Variants in NEB observed in about 807,000 individuals in gnomAD.
NEB encodes nebulin.
In NEB, 512 loss-of-function variants were observed where a neutral mutation model predicts 952.2. The observed-to-expected ratio is 0.54, with a 90% CI of 0.50 to 0.58. NEB has a LOEUF of 0.58. Ranked by LOEUF, NEB falls within the 20% of genes least tolerant of loss-of-function variation. The pLI, the probability that NEB is intolerant of heterozygous loss-of-function variation, is 0.00. For synonymous variants in NEB, 2,900 were observed against 3,149.8 expected (o/e 0.92, Z 2.66); for missense variants, 8,428 against 9,231.1 (o/e 0.91, Z 3.56).
Position 151,655,757 on chromosome 2 carries a change from C to A in NEB, c.6702+60G>T, listed in dbSNP as rs1306063196. The stretch of plus-strand genomic sequence containing the variant: ...TTAATTAGATTTCTCCAAACAAGAA[C>A]CAGAGCCTGCTAGCCTTTCCTCACG... On this transcript the variant is annotated intron_variant, in intron 50 of 181. Coordinates refer to ENST00000397345, the MANE Select transcript of NEB (RefSeq NM_001164508.2). 4 of 1,556,352 alleles carry A rather than the reference C, an allele frequency of 2.6e-6. No individual in the cohort carries two copies. In the East Asian group the frequency reaches 9.0e-5, roughly 35 times the overall value.
At chr2:151,718,915 T>A (rs2099766659) in intron 9 of NEB, among the ~76,000 whole-genome samples, 1 of 152,146 alleles carries the variant, frequency 6.6e-6, no homozygotes, top group African/African-American at 2.4e-5. Context: ...TATTCATAGA[T>A]CCCCAGATAC....
chr2:151,538,222 T>C lies in NEB; in HGVS notation c.20915A>G (p.Gln6972Arg). ...ASDLRYKETF[Q>R]KTKGKYHTVK... ...CGTGTGGTATTTCCCTTTGGTCTTT[T>C]GAAATGTTTCTTTGTAGCGTAGCTA... Residue 6972 changes from glutamine to arginine, a missense_variant, in exon 139 of 182, where the codon CAA becomes CGA. This residue lies in a region of NEB where 3,374 missense variants were observed against 3,651.5 expected (regional missense o/e 0.92). Transcript: ENST00000397345. 6.2e-7 allele frequency: 1 copy of C among 1,612,792 alleles called. No homozygotes were observed. Among genetic ancestry groups the C allele is most frequent in the Non-Finnish European group, 8.5e-7 (1 of 1,178,918 alleles).
At chr2:151,538,075 A>C (rs935900240) in intron 139 of NEB, 65 bp downstream of exon 139, 1 of 1,513,906 alleles carries the variant, frequency 6.6e-7, no homozygotes, top group African/African-American at 1.4e-5. Context: ...GTTGCTAAAA[A>C]ATATATGTAT....
At chr2:151,546,181 G>A (rs2153606237) in intron 134 of NEB, among the ~76,000 whole-genome samples, 164 bp downstream of exon 134, 1 of 152,262 alleles carries the variant, frequency 6.6e-6, no homozygotes, top group East Asian at 1.9e-4. Context: ...TTCATAGGAG[G>A]CACAGATCAC....
intron 165 of NEB, 41 bp downstream of exon 165, chr2:151,505,437 T>C (rs747521866): frequency 3.3e-6 from 5 of 1,514,376 alleles, no homozygotes; most frequent in Non-Finnish European, 4.6e-6. Context: ...AATTGAGAGA[T>C]GGCCAGTCAC....
chr2:151,578,485 C>G (rs1479588667), intron 105 of NEB, among the ~76,000 whole-genome samples: 1 of 150,562 alleles, frequency 6.6e-6, no homozygotes, highest in Non-Finnish European at 1.5e-5. Context: ...CATGATGAAA[C>G]CCTGCCTCTA....
chr2:151,565,658 C>T, intron 115 of NEB, 53 bp from the exon 116 acceptor site: 1 of 1,565,200 alleles, frequency 6.4e-7, no homozygotes, highest in South Asian at 1.1e-5. Flanking sequence ...GGTTATCTAC[C>T]CCAACATGGC....
intron 138 of NEB, 100 bp downstream of exon 138, chr2:151,540,244 G>C: frequency 1.4e-6 from 1 of 724,140 alleles, no homozygotes. Context: ...CTAGGCCATG[G>C]TTTAGAACTA....
chr2:151,714,390 T>C (rs927674433), intron 10 of NEB, among the ~76,000 whole-genome samples: 1 of 152,186 alleles, frequency 6.6e-6, no homozygotes, highest in African/African-American at 2.4e-5. Flanking sequence ...TAGTAATCAT[T>C]TCTTGCTCCT....
chr2:151,692,622 T>C (rs111348513), intron 20 of NEB, among the ~76,000 whole-genome samples: 1 of 152,176 alleles, frequency 6.6e-6, no homozygotes, highest in Non-Finnish European at 1.5e-5. Flanking sequence ...ACCAATGCTG[T>C]CTTTTTTTAA....
At chr2:151,612,730 G>A (rs145394900) in intron 77 of NEB, among the ~76,000 whole-genome samples, 65 of 152,256 alleles carry the variant, frequency 4.3e-4, no homozygotes, top group African/African-American at 1.3e-3. Flanking sequence ...AACTGTACTG[G>A]GTGAGAATAC....
chr2:151,666,494 A>G (rs1028131402), intron 40 of NEB, 93 bp from the exon 41 acceptor site: 17 of 1,251,218 alleles, frequency 1.4e-5, no homozygotes, highest in Non-Finnish European at 1.9e-5. Flanking sequence ...AGCCAACTTC[A>G]GTCTGAATCT....
At chr2:151,639,461 C>A in intron 62 of NEB, 77 bp from the exon 63 acceptor site, 1 of 1,062,300 alleles carries the variant, frequency 9.4e-7, no homozygotes, top group Non-Finnish European at 1.3e-6. Flanking sequence ...GCCACAAAAA[C>A]TTTATAAAAA....
chr2:151,631,461 C>T (rs991249443), intron 65 of NEB, 115 bp from the exon 66 acceptor site: 26 of 1,162,728 alleles, frequency 2.2e-5, no homozygotes, highest in Admixed American at 1.1e-4. Context: ...AGAAAACAAG[C>T]GCGTTGTATA....
chr2:151,666,141 G>A lies in NEB; in HGVS notation c.4980C>T (p.Pro1660=), dbSNP rs142074817. 5.1e-4 allele frequency: 830 copies of A among 1,613,838 alleles called. 3 individuals are homozygous for A. The African/African-American group carries it at 8.9e-3, about 17-fold the overall frequency. ...TGGAGTGCTCCACATTCAAGGCATCGGGCAGGAGAGTGTAGTGGTGGTATG... is the reference window on the plus strand; with the variant it reads ...TGGAGTGCTCCACATTCAAGGCATCAGGCAGGAGAGTGTAGTGGTGGTATG... ...RQSYHHYTLL[P]DALNVEHSRN... is the part of the protein sequence containing the mutation. The change falls in exon 41 of 182, where the codon CCC becomes CCT. Residue 1660 remains proline (P), a synonymous_variant. Transcript: ENST00000397345.
Position 151,619,699 on chromosome 2 carries a change from CG to C in NEB, c.10623del (p.His3541GlnfsTer6). 1 of 1,613,924 alleles carries C rather than the reference CG, an allele frequency of 6.2e-7. No homozygotes were observed. The highest frequency in any genetic ancestry group is 8.5e-7 in the Non-Finnish European group (1 of 1,179,858). On this transcript the variant is annotated frameshift_variant, in exon 73 of 182. Transcript: ENST00000397345. LOFTEE classifies it high-confidence loss of function. ...AGGGACCACATTATCTTGGGGTCATCGTGTACTGCTCGGGCGCCAATGTGGT... is the reference window on the plus strand; with the variant it reads ...AGGGACCACATTATCTTGGGGTCATCTGTACTGCTCGGGCGCCAATGTGGT... ...LGHHIGARAVHDDPKIMWSLH... is the reference protein window; with the variant it reads ...LGHHIGARAVXDDPKIMWSLH...
chr2:151,575,700 T>A lies in NEB; in HGVS notation c.17008A>T (p.Ser5670Cys), dbSNP rs776789678. The A allele has an allele frequency of 6.3e-7, 1 of 1,585,164 alleles. No homozygotes were observed. Among genetic ancestry groups the A allele is most frequent in the Admixed American group, 1.7e-5 (1 of 59,838 alleles). ...NLARANALNV[S>C]NKLYREGWDE... ...GAGTCTGTTGTAGTACTTACATTGC[T>A]CACATTAAGAGCATTTGCTCTAGCG... is the stretch of plus-strand genomic sequence containing the variant. The change falls in exon 107 of 182, where the codon AGC (serine) becomes TGC (cysteine). Residue 5670 changes from serine to cysteine, a missense_variant. Transcript: ENST00000397345.
Position 151,639,923 on chromosome 2 carries a change from T to C in NEB, c.8823A>G (p.Lys2941=), listed in dbSNP as rs367619283. 49 of 1,613,894 alleles carry C rather than the reference T, an allele frequency of 3.0e-5. No individual in the cohort carries two copies. The highest frequency in any genetic ancestry group is 4.0e-5 in the Non-Finnish European group (47 of 1,179,882). ...CCAGAGAGTCAGTCACACTGGTAAATTTGAATCTGTCTGGAGGCTGGCGAT... is the reference window on the plus strand; with the variant it reads ...CCAGAGAGTCAGTCACACTGGTAAACTTGAATCTGTCTGGAGGCTGGCGAT... ...KIYRQPPDRF[K]FTSVTDSLEQ... The change falls in exon 62 of 182, where the codon AAA becomes AAG. Residue 2941 remains lysine (K), a synonymous_variant. Coordinates refer to ENST00000397345, the MANE Select transcript of NEB (RefSeq NM_001164508.2).
Position 151,537,979 on chromosome 2 carries a change from G to A in NEB, c.20998-3C>T. The A allele has an allele frequency of 6.2e-7, 1 of 1,606,874 alleles. No homozygotes were observed. Among genetic ancestry groups the A allele is most frequent in the African/African-American group, 1.3e-5 (1 of 74,886 alleles). ...ATGTAGTTCTCCTTGTATTTTATCT[G>A]TTATAAAAAACACAAAGACAGCTGT... On this transcript the variant is annotated splice_region_variant and splice_polypyrimidine_tract_variant and intron_variant, in intron 139 of 181. Transcript: ENST00000397345.
Sources: gnomAD v4.1 joint callset for allele counts (sites outside exome capture counted in the v4.1 genomes callset) on GRCh38, gnomAD v4.1.1 for gene constraint, gnomAD v4.1.1 regional missense constraint, MANE v1.5 for transcripts, NCBI Gene and HGNC (gene_info 2026-07-23, HGNC 2026-07-21) for gene names.